Variants in CCDC61 observed in about 807,000 individuals in gnomAD.
CCDC61 encodes the protein centrosomal protein CCDC61.
A neutral mutation model predicts 63.0 loss-of-function variants in CCDC61; 55 were observed. That is an observed-to-expected ratio of 0.87 (90% CI 0.70 to 1.09). The LOEUF (loss-of-function observed/expected upper bound fraction) is 1.09, where lower values mean the gene tolerates loss of function less well. CCDC61 is among the 50% of genes least tolerant of loss of function. The probability of loss-of-function intolerance (pLI) is 0.00; values close to 1 mark genes in which losing one functional copy is unlikely to be tolerated. For missense variants in CCDC61, 651 were observed against 731.4 expected (o/e 0.89, Z 1.27); for synonymous variants, 270 against 317.0 (o/e 0.85, Z 1.58).
intron 5 of CCDC61, among the ~76,000 whole-genome samples, chr19:46,014,203 A>G (rs1359140635): frequency 6.6e-6 from 1 of 152,128 alleles, no homozygotes; most frequent in African/African-American, 2.4e-5. Context: ...CGGCCTCCCA[A>G]AGTGCTGAGA....
At chr19:45,997,903 T>A (rs1212277321) in intron 1 of CCDC61, among the ~76,000 whole-genome samples, 3 of 151,810 alleles carry the variant, frequency 2.0e-5, no homozygotes, top group Admixed American at 1.3e-4. Flanking sequence ...GCCAGGCTGG[T>A]TTCGAACTCC....
Position 46,018,557 on chromosome 19 carries a change from C to T in CCDC61, c.*170C>T. 3.4e-6 allele frequency: 2 copies of T among 592,468 alleles called. No homozygotes were observed. The highest frequency in any genetic ancestry group is 2.9e-5 in the East Asian group (1 of 34,672). The allele number at this position is 592,468 out of a possible 1,614,324, so 36.7% of individuals were successfully genotyped here. A position where few individuals can be genotyped will look rare whatever the true frequency, so the allele number is the denominator to read the frequency against. ...GCCCTGACCCTGCCCTCTCCCCAGG[C>T]AGTGCATGCTGGGAGGGAGGATGTG... On this transcript the variant is annotated 3_prime_UTR_variant, in exon 14 of 14. Coordinates refer to ENST00000595358, the MANE Select transcript of CCDC61 (RefSeq NM_001267723.2). The surrounding 1 kb of genome is among the most constrained non-coding windows in gnomAD (Gnocchi z 4.2).
chr19:46,012,351 G>T (rs1035837007), intron 5 of CCDC61, among the ~76,000 whole-genome samples: 1 of 152,174 alleles, frequency 6.6e-6, no homozygotes, highest in Non-Finnish European at 1.5e-5. Context: ...AACTACCCAG[G>T]TTAAAAAATT....
At chr19:46,004,701 G>C (rs1341393946) in intron 3 of CCDC61, among the ~76,000 whole-genome samples, 1 of 152,086 alleles carries the variant, frequency 6.6e-6, no homozygotes, top group Non-Finnish European at 1.5e-5. Context: ...CTGATCTCAA[G>C]TAATCCTCCT....
chr19:45,996,076 C>A (rs1415710215), intron 1 of CCDC61, among the ~76,000 whole-genome samples: 2 of 152,208 alleles, frequency 1.3e-5, no homozygotes, highest in African/African-American at 2.4e-5. Flanking sequence ...GGTTGAATCC[C>A]GAATTTGAAT....
In CCDC61 at chr19:46,013,210, GA is replaced by G. The variant is rs547664607; in HGVS notation, c.552-1838del. Among the ~76,000 whole-genome samples, 784 of 152,198 alleles carry G rather than the reference GA, an allele frequency of 5.2e-3. 9 individuals are homozygous for G. Among genetic ancestry groups the G allele is most frequent in the African/African-American group, 0.017 (712 of 41,530 alleles). On this transcript the variant is annotated intron_variant, in intron 5 of 13. Transcript: ENST00000595358. ...ATTTTTTTTTTGAATTTTTAGTAGAGAGGGGGTTTCACCATATTGGCCAGGC... is the reference window on the plus strand; with the variant it reads ...ATTTTTTTTTTGAATTTTTAGTAGAGGGGGGTTTCACCATATTGGCCAGGC...
chr19:46,016,131 G>T lies in CCDC61; in HGVS notation c.923G>T (p.Arg308Leu). The change falls in exon 8 of 14, where the codon CGA (arginine) becomes CTA (leucine). Residue 308 changes from arginine (R) to leucine (L), a missense_variant. By Grantham distance (102) the Arg-to-Leu change is moderately radical. Coordinates refer to ENST00000595358, the MANE Select transcript of CCDC61 (RefSeq NM_001267723.2). The surrounding 1 kb of genome is among the most constrained non-coding windows in gnomAD (Gnocchi z 7.2). ...ASSSRERSASRGRGAARSSSR... is the reference protein window; with the variant it reads ...ASSSRERSASLGRGAARSSSR... ...TCGTCCCGGGAGCGCTCCGCGTCGC[G>T]AGGCCGCGGCGCCGCGCGCTCCTCA... The T allele has an allele frequency of 8.0e-7, 1 of 1,243,344 alleles. No individual in the cohort carries two copies. Among genetic ancestry groups the T allele is most frequent in the Non-Finnish European group, 1.0e-6 (1 of 996,102 alleles). The allele number at this position is 1,243,344 out of a possible 1,614,324, so 77.0% of individuals were successfully genotyped here.
intron 5 of CCDC61, among the ~76,000 whole-genome samples, chr19:46,011,300 T>C (rs1968825225): frequency 6.6e-6 from 1 of 152,164 alleles, no homozygotes; most frequent in Non-Finnish European, 1.5e-5. Context: ...TCCACCTGCC[T>C]TGGCCCCCCA....
At chr19:46,005,266 T>TC (rs34527475) in intron 3 of CCDC61, among the ~76,000 whole-genome samples, 137,242 of 151,414 alleles carry the variant, frequency 0.91, 62,016 homozygotes, top group Non-Finnish European at 0.93. Context: ...TGCCTCGGCC[T>TC]CCCAAAGTGC....
In CCDC61 at chr19:46,003,121, G is replaced by C. The variant is rs992393484; in HGVS notation, c.103G>C (p.Asp35His). ...SGQVLELEVE[D>H]RMTADQWRGE... ...GCAGGTGCTGGAGCTGGAGGTGGAG[G>C]ACCGGATGACGGCTGACCAGTGGCG... The change falls in exon 2 of 14, where the codon GAC (aspartate) becomes CAC (histidine). Residue 35 changes from aspartate to histidine, a missense_variant. Physicochemically the swap from Asp to His is moderately conservative, Grantham distance 81. Transcript: ENST00000595358. The C allele has an allele frequency of 1.2e-5, 20 of 1,613,466 alleles. No homozygotes were observed. Among genetic ancestry groups the C allele is most frequent in the Non-Finnish European group, 1.6e-5 (19 of 1,179,706 alleles).
chr19:46,006,569 C>T lies in CCDC61; in HGVS notation c.242C>T (p.Ser81Leu). Reference sequence around the variant, plus strand: ...CTCCTCTCCTGACAGAGTAGTGAGTCAGTCACCCTGGACCTGCTGACCTAC... The same window carrying T: ...CTCCTCTCCTGACAGAGTAGTGAGTTAGTCACCCTGGACCTGCTGACCTAC... Reference protein sequence around the residue: ...LESALTQSSESVTLDLLTYTD... With the variant: ...LESALTQSSELVTLDLLTYTD... The change falls in exon 4 of 14, where the codon TCA becomes TTA. Residue 81 changes from serine to leucine, a missense_variant. By Grantham distance (145) the Ser-to-Leu change is moderately radical. Transcript: ENST00000595358. 1 of 1,582,404 alleles carries T rather than the reference C, an allele frequency of 6.3e-7. No homozygotes were observed. Among genetic ancestry groups the T allele is most frequent in the South Asian group, 1.1e-5 (1 of 87,958 alleles).
chr19:46,002,994 A>C lies in CCDC61; in HGVS notation c.-11-14A>C. The C allele has an allele frequency of 1.9e-6, 3 of 1,552,018 alleles. No homozygotes were observed. Among genetic ancestry groups the C allele is most frequent in the Non-Finnish European group, 2.6e-6 (3 of 1,147,116 alleles). ...CTGAGCTCCTCTAGGTTTCTCTCTC[A>C]TCTCCTTCTCCAGCAACCTTGGCCA... On this transcript the variant is annotated splice_polypyrimidine_tract_variant and intron_variant, in intron 1 of 13. Transcript: ENST00000595358.
chr19:46,008,437 C>G lies in CCDC61; in HGVS notation c.551+136C>G, dbSNP rs1347587324. The G allele has an allele frequency of 3.7e-6, 3 of 803,796 alleles. No individual in the cohort carries two copies. In the Admixed American group the frequency reaches 8.7e-5, roughly 23 times the overall value. 49.8% of individuals were successfully genotyped at this position (803,796 alleles called of 1,614,324 possible). A position where few individuals can be genotyped will look rare whatever the true frequency, so the allele number is the denominator to read the frequency against. On this transcript the variant is annotated intron_variant, in intron 5 of 13. Transcript: ENST00000595358. ...ATTCTTTTTTTTTTGAGACAAGAGT[C>G]TCACTCTGTTGCCCAGGCTGGAGTG... is the stretch of plus-strand genomic sequence containing the variant.
chr19:46,001,168 G>T (rs978922054), intron 1 of CCDC61, among the ~76,000 whole-genome samples: 1 of 152,100 alleles, frequency 6.6e-6, no homozygotes, highest in Admixed American at 6.5e-5. Context: ...CTGCATTGGG[G>T]TCAGGGGATG....
In CCDC61 at chr19:46,017,625, C is replaced by G. The variant is rs553312455; in HGVS notation, c.1368+321C>G. On this transcript the variant is annotated intron_variant, in intron 12 of 13. Transcript: ENST00000595358. ...ATGTTGCCCAGGCTGGTCTGGAACT[C>G]CTGGCCTCAAGCCATCCTCAGCCTC... is the stretch of plus-strand genomic sequence containing the variant. 1.3e-4 allele frequency among the ~76,000 whole-genome samples: 20 copies of G among 152,230 alleles called. No individual in the cohort carries two copies. In the South Asian group the frequency reaches 2.5e-3, roughly 19 times the overall value.
intron 5 of CCDC61, among the ~76,000 whole-genome samples, chr19:46,010,345 C>T (rs1387283165): frequency 4.6e-5 from 7 of 152,214 alleles, no homozygotes; most frequent in African/African-American, 1.7e-4. Context: ...CAGGTGGAGG[C>T]TCTGCCCCCA....
intron 5 of CCDC61, among the ~76,000 whole-genome samples, chr19:46,014,374 G>A (rs1451418054): frequency 1.3e-5 from 2 of 151,982 alleles, no homozygotes; most frequent in Non-Finnish European, 2.9e-5. Flanking sequence ...TTATGAAAAG[G>A]GACATTCTGA....
Position 46,008,128 on chromosome 19 carries a change from C to T in CCDC61, c.390-12C>T. ...CCTCTGAGATGCCACGGTTTTAATC[C>T]TCCCTCCTCAGGATTCACTACCCGC... is the stretch of plus-strand genomic sequence containing the variant. On this transcript the variant is annotated splice_polypyrimidine_tract_variant and intron_variant, in intron 4 of 13. Coordinates refer to ENST00000595358, the MANE Select transcript of CCDC61 (RefSeq NM_001267723.2). The T allele has an allele frequency of 6.3e-7, 1 of 1,596,040 alleles. No homozygotes were observed. The highest frequency in any genetic ancestry group is 8.5e-7 in the Non-Finnish European group (1 of 1,171,128).
chr19:46,006,662 C>A lies in CCDC61; in HGVS notation c.335C>A (p.Ala112Asp), dbSNP rs750466427. The A allele has an allele frequency of 2.5e-5, 40 of 1,613,660 alleles. No individual in the cohort carries two copies. The highest frequency in any genetic ancestry group is 1.6e-4 in the Middle Eastern group (1 of 6,082). ...CCAGGCTCCTTGGCCCCCAGGTCGG[C>A]CCAGCTCAACTCCAAGCGCTACCTG... ...GRPGSLAPRS[A>D]QLNSKRYLIL... The change falls in exon 4 of 14, where the codon GCC becomes GAC. Residue 112 changes from alanine to aspartate, a missense_variant. Transcript: ENST00000595358.
Sources: allele counts gnomAD v4.1 joint callset (sites outside exome capture counted in the v4.1 genomes callset), GRCh38; gene constraint gnomAD v4.1.1; non-coding constraint Gnocchi (gnomAD v3.1); transcripts MANE v1.5; gene names NCBI Gene and HGNC (gene_info 2026-07-23, HGNC 2026-07-21).